Variants in FANCC observed in about 807,000 individuals in gnomAD.
FANCC encodes FA complementation group C, also known as Fanconi anemia group C protein.
FANCC carries 55 observed loss-of-function variants against 71.3 expected under a neutral mutation model. That is an observed-to-expected ratio of 0.77 (90% confidence interval 0.62 to 0.97). FANCC has a LOEUF of 0.97. Among genes scored for constraint, FANCC ranks in the 50% least tolerant of loss-of-function variants. The pLI, the probability that FANCC is intolerant of heterozygous loss-of-function variation, is 0.00. For missense variants in FANCC, 678 were observed against 670.9 expected, an observed-to-expected ratio of 1.01 and a Z score of -0.12; for synonymous variants, 275 against 244.9, an observed-to-expected ratio of 1.12 and a Z score of -1.15.
intron 4 of FANCC, among the ~76,000 whole-genome samples, chr9:95,181,899 A>G (rs1354481711): frequency 6.6e-6 from 1 of 152,232 alleles, no homozygotes; most frequent in Non-Finnish European, 1.5e-5. Flanking sequence ...AGGGAAATCC[A>G]CTGCCCTTGC....
At chr9:95,249,048 G>A in intron 2 of FANCC, 79 bp downstream of exon 2, 2 of 1,477,484 alleles carry the variant, frequency 1.4e-6, no homozygotes, top group Non-Finnish European at 1.9e-6. Context: ...CCCGATTCTG[G>A]GTGGCATTCT....
chr9:95,298,338 G>A (rs956962348), intron 1 of FANCC, among the ~76,000 whole-genome samples: 35 of 152,162 alleles, frequency 2.3e-4, no homozygotes, highest in African/African-American at 8.0e-4. Flanking sequence ...GAACATACTT[G>A]GATAAAAAGA....
chr9:95,250,250 C>T (rs550258359), intron 1 of FANCC, among the ~76,000 whole-genome samples: 2 of 152,300 alleles, frequency 1.3e-5, no homozygotes, highest in African/African-American at 2.4e-5. Context: ...CAGGCCTTCA[C>T]AGGCTCTGAC....
At chr9:95,294,402 T>C (rs560573418) in intron 1 of FANCC, 37 of 1,603,442 alleles carry the variant, frequency 2.3e-5, no homozygotes, top group East Asian at 1.8e-4. Context: ...CCTATGGGTG[T>C]AGGGGAAATT....
intron 4 of FANCC, among the ~76,000 whole-genome samples, chr9:95,205,783 A>C (rs1376473739): frequency 6.6e-6 from 1 of 152,188 alleles, no homozygotes; most frequent in Non-Finnish European, 1.5e-5. Context: ...AAAAAAATGG[A>C]AAGTAGAAGA....
chr9:95,268,110 C>A (rs922458204), intron 1 of FANCC, among the ~76,000 whole-genome samples: 24 of 152,218 alleles, frequency 1.6e-4, no homozygotes, highest in Admixed American at 1.6e-3. Flanking sequence ...TCTCCCCTAC[C>A]AGTTGGTGGA....
At chr9:95,207,282 A>AT (rs1175702957) in intron 4 of FANCC, among the ~76,000 whole-genome samples, 2 of 152,220 alleles carry the variant, frequency 1.3e-5, no homozygotes, top group Non-Finnish European at 2.9e-5. Context: ...CAAAAGAGCT[A>AT]TAAGAATTTT....
At chr9:95,243,176 T>C (rs538800898) in intron 3 of FANCC, among the ~76,000 whole-genome samples, 2 of 152,312 alleles carry the variant, frequency 1.3e-5, no homozygotes, top group Non-Finnish European at 2.9e-5. Flanking sequence ...TGGCAGAAAT[T>C]TGTTATACAG....
chr9:95,190,803 T>C (rs972725083), intron 4 of FANCC, among the ~76,000 whole-genome samples: 58 of 152,348 alleles, frequency 3.8e-4, no homozygotes, highest in African/African-American at 1.4e-3. Flanking sequence ...ACCCCATTTT[T>C]AGACACTGGA....
At chr9:95,175,262 T>A (rs572364581) in intron 4 of FANCC, among the ~76,000 whole-genome samples, 21 of 152,208 alleles carry the variant, frequency 1.4e-4, no homozygotes, top group African/African-American at 4.6e-4. Flanking sequence ...AAAGTAGCTT[T>A]AAAACATTAC....
intron 1 of FANCC, among the ~76,000 whole-genome samples, chr9:95,304,873 T>G (rs1465279334): frequency 3.3e-5 from 5 of 151,532 alleles, no homozygotes; most frequent in African/African-American, 1.2e-4. Flanking sequence ...CTGAAAAAGG[T>G]ATCACCATAT....
intron 1 of FANCC, among the ~76,000 whole-genome samples, chr9:95,284,152 G>C (rs1201806612): frequency 6.6e-6 from 1 of 152,178 alleles, no homozygotes; most frequent in African/African-American, 2.4e-5. Flanking sequence ...CTCTTGGCAA[G>C]CCTAAACACC....
intron 6 of FANCC, among the ~76,000 whole-genome samples, chr9:95,170,685 G>A: frequency 2.6e-5 from 1 of 38,946 alleles, no homozygotes; most frequent in East Asian, 6.3e-4. Context: ...TGTGTTGGGA[G>A]CAGAAGAAGG....
intron 6 of FANCC, among the ~76,000 whole-genome samples, chr9:95,167,112 C>T (rs1187177250): frequency 6.6e-6 from 1 of 152,014 alleles, no homozygotes; most frequent in Non-Finnish European, 1.5e-5. Flanking sequence ...TGTTTTGTTT[C>T]CTCCCTGGCT....
chr9:95,125,702 C>A (rs1007328430), intron 9 of FANCC, among the ~76,000 whole-genome samples: 1 of 152,176 alleles, frequency 6.6e-6, no homozygotes, highest in Non-Finnish European at 1.5e-5. Context: ...TAGCTTTAAA[C>A]CCCCAACACT....
chr9:95,271,927 C>CTTTTTTTT (rs869093626), intron 1 of FANCC, among the ~76,000 whole-genome samples: 777 of 50,504 alleles, frequency 0.015, 260 homozygotes, highest in Middle Eastern at 0.037. Flanking sequence ...CAAGCCTCTT[C>CTTTTTTTT]TTTTTTTTTT....
At chr9:95,171,892 C>A in intron 5 of FANCC, 145 bp downstream of exon 5, 1 of 655,392 alleles carries the variant, frequency 1.5e-6, no homozygotes. Context: ...CCGTACATGG[C>A]CATAAGTCTG....
rs575584025 is a variant in FANCC, at chr9:95,135,266, C to A, written c.843+80G>T. 127 of 1,343,324 alleles carry A rather than the reference C, an allele frequency of 9.5e-5. No homozygotes were observed. In the African/African-American group the frequency reaches 1.5e-3, roughly 16 times the overall value. The allele number at this position is 1,343,324 out of a possible 1,614,324, so 83.2% of individuals were successfully genotyped here. A position where few individuals can be genotyped will look rare whatever the true frequency, so the allele number is the denominator to read the frequency against. On this transcript the variant is annotated intron_variant, in intron 8 of 14. Coordinates refer to ENST00000289081, the MANE Select transcript of FANCC (RefSeq NM_000136.3). ...AATTGCTCTTTTGTTTACATCCCCC[C>A]CTTTCATTCTCTGACTAAAAGAAAT...
At position 95,101,578 on chromosome 9, in the gene FANCC, G is replaced by A. The variant is rs2071072916; in HGVS notation, c.*129C>T. The A allele has an allele frequency of 4.4e-6, 5 of 1,126,420 alleles. No homozygotes were observed. In the East Asian group the frequency reaches 1.3e-4, roughly 28 times the overall value. 69.8% of individuals were successfully genotyped at this position (1,126,420 alleles called of 1,614,324 possible). On this transcript the variant is annotated 3_prime_UTR_variant, in exon 15 of 15. Coordinates refer to ENST00000289081, the MANE Select transcript of FANCC (RefSeq NM_000136.3). ...ATACTAGCAGATTGTCCCAAGATGT[G>A]TACAGCTCATTCTCACAGCCCAGCG...
Sources: gnomAD v4.1 joint callset for allele counts (sites outside exome capture counted in the v4.1 genomes callset) on GRCh38, gnomAD v4.1.1 for gene constraint, MANE v1.5 for transcripts, NCBI Gene and HGNC (gene_info 2026-07-23, HGNC 2026-07-21) for gene names.